Variants in SAMD12 observed in about 807,000 individuals in gnomAD.
The protein encoded by SAMD12 is sterile alpha motif domain containing 12, also known as sterile alpha motif domain-containing protein 12.
A neutral mutation model predicts 15.0 loss-of-function variants in SAMD12; 9 were observed. The ratio of observed to expected loss-of-function variants is 0.60; its 90% CI spans 0.36 to 1.05. The LOEUF (loss-of-function observed/expected upper bound fraction) is 1.05, where lower values mean the gene tolerates loss of function less well. SAMD12 is among the 50% of genes least tolerant of loss of function. The pLI is 0.01. For synonymous variants in SAMD12, 86 were observed against 90.1 expected (o/e 0.96, Z 0.25); for missense variants, 230 against 234.2 (o/e 0.98, Z 0.12).
At chr8:118,229,182 G>A (rs1403729678) in intron 4 of SAMD12, among the ~76,000 whole-genome samples, 2 of 152,026 alleles carry the variant, frequency 1.3e-5, no homozygotes, top group African/African-American at 2.4e-5. Context: ...ATATGGTGCA[G>A]TGTATACTGC....
intron 1 of SAMD12, among the ~76,000 whole-genome samples, chr8:118,582,334 T>C (rs1827316757): frequency 6.6e-6 from 1 of 152,158 alleles, no homozygotes; most frequent in Non-Finnish European, 1.5e-5. Flanking sequence ...TGATGAGACA[T>C]CCTTAACATC....
intron 2 of SAMD12, among the ~76,000 whole-genome samples, chr8:118,528,811 C>A (rs1825604374): frequency 6.6e-6 from 1 of 152,146 alleles, no homozygotes; most frequent in African/African-American, 2.4e-5. Context: ...CTCCACTGGC[C>A]CCAGTCACTC....
chr8:118,463,100 C>CAAA (rs71292167), intron 2 of SAMD12, among the ~76,000 whole-genome samples: 3 of 63,086 alleles, frequency 4.8e-5, no homozygotes, highest in Admixed American at 4.0e-4. Flanking sequence ...AACTCCGTCT[C>CAAA]AAAAAAAAAA....
rs557308360 is a variant in SAMD12, at chr8:118,241,864, C to T, written c.434-44132G>A. ...AATAAACCAGGTTTTACTAATATTC[C>T]TCCAACACACAAAACAAAACAATGA... On this transcript the variant is annotated intron_variant, in intron 4 of 4. Transcript: ENST00000409003. Among the ~76,000 whole-genome samples the T allele has an allele frequency of 2.0e-5, 3 of 152,240 alleles. No individual in the cohort carries two copies. The South Asian group carries it at 6.2e-4, about 32-fold the overall frequency.
intron 2 of SAMD12, among the ~76,000 whole-genome samples, chr8:118,482,542 T>C (rs1205594048): frequency 1.3e-5 from 2 of 152,144 alleles, no homozygotes; most frequent in African/African-American, 2.4e-5. Flanking sequence ...CAATGCAGTA[T>C]AGCAACTATT....
intron 2 of SAMD12, among the ~76,000 whole-genome samples, chr8:118,506,384 T>G (rs1401799462): frequency 6.6e-6 from 1 of 152,180 alleles, no homozygotes; most frequent in Admixed American, 6.5e-5. Context: ...ATCTCATGAA[T>G]TCTAATTTGG....
At chr8:118,432,149 G>A (rs1297576961) in intron 3 of SAMD12, among the ~76,000 whole-genome samples, 1 of 152,128 alleles carries the variant, frequency 6.6e-6, no homozygotes. Context: ...CTGGCATATA[G>A]TTTACATTTT....
chr8:118,434,399 T>C (rs1330365681), intron 3 of SAMD12, among the ~76,000 whole-genome samples: 3 of 152,188 alleles, frequency 2.0e-5, no homozygotes, highest in Non-Finnish European at 2.9e-5. Context: ...AAGGAAACCC[T>C]TTATACATTC....
At chr8:118,332,422 C>T (rs1816847383) in intron 4 of SAMD12, among the ~76,000 whole-genome samples, 1 of 152,224 alleles carries the variant, frequency 6.6e-6, no homozygotes, top group South Asian at 2.1e-4. Context: ...CTGAGATTGG[C>T]ATTGGCAGTG....
chr8:118,488,022 C>T (rs1284536929), intron 2 of SAMD12, among the ~76,000 whole-genome samples: 1 of 152,098 alleles, frequency 6.6e-6, no homozygotes, highest in Non-Finnish European at 1.5e-5. Context: ...TGAAAGTATG[C>T]TTACTTCCAT....
chr8:118,297,266 CCA>C (rs1270129612), intron 4 of SAMD12, among the ~76,000 whole-genome samples: 1 of 152,104 alleles, frequency 6.6e-6, no homozygotes, highest in Non-Finnish European at 1.5e-5. Context: ...GGTTTATGTG[CCA>C]CAGAAGAAAA....
intron 3 of SAMD12, among the ~76,000 whole-genome samples, chr8:118,405,389 T>C (rs2450214): frequency 0.26 from 39,177 of 150,006 alleles, 5,196 homozygotes; most frequent in East Asian, 0.39. Context: ...ACTACAGCCA[T>C]ACTCAACACC....
At chr8:118,223,196 T>A (rs1256250331) in intron 4 of SAMD12, among the ~76,000 whole-genome samples, 2 of 151,930 alleles carry the variant, frequency 1.3e-5, no homozygotes, top group Non-Finnish European at 2.9e-5. Flanking sequence ...GCCTCTGGAG[T>A]CTTTCTTCTT....
At chr8:118,526,414 CTT>C (rs1363878431) in intron 2 of SAMD12, among the ~76,000 whole-genome samples, 2 of 152,088 alleles carry the variant, frequency 1.3e-5, no homozygotes, top group East Asian at 1.9e-4. Context: ...ATTGCAGAGT[CTT>C]TGGTTTCACC....
chr8:118,144,230 T>C, the SAMD12 span, among the ~76,000 whole-genome samples: 1 of 152,256 alleles, frequency 6.6e-6, no homozygotes, highest in Non-Finnish European at 1.5e-5. Context: ...TCTCAAGATC[T>C]TTAATTACAT....
chr8:118,550,557 C>G (rs1217524489), intron 2 of SAMD12, among the ~76,000 whole-genome samples: 1 of 152,156 alleles, frequency 6.6e-6, no homozygotes, highest in Non-Finnish European at 1.5e-5. Flanking sequence ...ACAACCGGTA[C>G]CAGCCGCTGC....
chr8:118,269,122 T>C (rs958716326), intron 4 of SAMD12, among the ~76,000 whole-genome samples: 4 of 152,040 alleles, frequency 2.6e-5, no homozygotes, highest in Admixed American at 1.3e-4. Context: ...TCCAAATTTT[T>C]GCACTGTCCT....
intron 2 of SAMD12, among the ~76,000 whole-genome samples, chr8:118,448,734 C>A (rs9656927): frequency 0.46 from 70,280 of 152,020 alleles, 18,142 homozygotes; most frequent in South Asian, 0.6. Context: ...TCAACTGACA[C>A]AGAGAGTGAT....
intron 2 of SAMD12, among the ~76,000 whole-genome samples, chr8:118,523,803 A>C (rs1825456850): frequency 6.6e-6 from 1 of 152,030 alleles, no homozygotes. Context: ...TGCTGAATGG[A>C]AACTCATTAT....
Sources: allele counts gnomAD v4.1 joint callset (sites outside exome capture counted in the v4.1 genomes callset), GRCh38; gene constraint gnomAD v4.1.1; transcripts MANE v1.5; gene names NCBI Gene and HGNC (gene_info 2026-07-23, HGNC 2026-07-21).